The following PRKCH variants were observed in gnomAD, a reference collection of about 807,000 sequenced individuals.
PRKCH encodes the protein protein kinase C eta.
PRKCH carries 28 observed loss-of-function variants against 82.5 expected under a neutral mutation model. The ratio of observed to expected loss-of-function variants is 0.34; its 90% confidence interval spans 0.25 to 0.47. PRKCH has a LOEUF of 0.47. PRKCH is among the 20% of genes least tolerant of loss of function. The probability of loss-of-function intolerance (pLI) is 1.00; values close to 1 mark genes in which losing one functional copy is unlikely to be tolerated. For missense variants in PRKCH, 705 were observed against 881.8 expected (o/e 0.80, Z 2.54); for synonymous variants, 322 against 327.4 (o/e 0.98, Z 0.18).
At chr14:61,203,308 G>C (rs1334087544) in intron 1 of PRKCH, among the ~76,000 whole-genome samples, 2 of 152,094 alleles carry the variant, frequency 1.3e-5, no homozygotes, top group African/African-American at 4.8e-5. Context: ...AGTGAAACCA[G>C]ATATCCCAGG....
chr14:61,413,966 C>T (rs556358422), intron 2 of PRKCH, among the ~76,000 whole-genome samples: 5 of 152,278 alleles, frequency 3.3e-5, no homozygotes, highest in African/African-American at 1.2e-4. Context: ...CATCACTCTT[C>T]CACCTCAGAG....
intron 1 of PRKCH, among the ~76,000 whole-genome samples, chr14:61,246,741 T>A (rs2044887347): frequency 6.6e-6 from 1 of 152,128 alleles, no homozygotes. Context: ...TATTTATGTG[T>A]GTGTGTATTT....
chr14:61,470,032 C>A (rs1885428051), intron 9 of PRKCH, among the ~76,000 whole-genome samples: 1 of 151,678 alleles, frequency 6.6e-6, no homozygotes. Flanking sequence ...TCCATGGCAG[C>A]TGCTCCCTGT....
At chr14:61,435,288 A>C (rs1883623249) in intron 2 of PRKCH, among the ~76,000 whole-genome samples, 1 of 152,190 alleles carries the variant, frequency 6.6e-6, no homozygotes, top group Non-Finnish European at 1.5e-5. Flanking sequence ...CCCTATCTTG[A>C]ACTCTGCTCC....
chr14:61,272,060 CT>C (rs2045158391), intron 1 of PRKCH, among the ~76,000 whole-genome samples: 1 of 151,724 alleles, frequency 6.6e-6, no homozygotes, highest in African/African-American at 2.4e-5. Flanking sequence ...CCCGTCTCTA[CT>C]AAAAAAAATA....
At chr14:61,332,103 A>G (rs1270867678) in intron 1 of PRKCH, among the ~76,000 whole-genome samples, 3 of 152,350 alleles carry the variant, frequency 2.0e-5, no homozygotes, top group Non-Finnish European at 4.4e-5. Flanking sequence ...TTTTGCTAGA[A>G]GCCATTCTCA....
chr14:61,351,492 T>C (rs1054303831), intron 1 of PRKCH, among the ~76,000 whole-genome samples: 2 of 152,194 alleles, frequency 1.3e-5, no homozygotes, highest in Non-Finnish European at 2.9e-5. Context: ...TTTTCTTTAT[T>C]CTGAATTTTA....
At chr14:61,227,454 C>A (rs942504405) in intron 1 of PRKCH, among the ~76,000 whole-genome samples, 1 of 151,996 alleles carries the variant, frequency 6.6e-6, no homozygotes. Context: ...ATTAGCCAGG[C>A]GTGGTGGCGA....
intron 2 of PRKCH, among the ~76,000 whole-genome samples, chr14:61,415,155 T>C (rs1882487949): frequency 6.6e-6 from 1 of 152,222 alleles, no homozygotes; most frequent in Non-Finnish European, 1.5e-5. Flanking sequence ...TTCTGAACAC[T>C]GAAGCTTGAA....
chr14:61,262,286 C>T (rs1340781999), intron 1 of PRKCH, among the ~76,000 whole-genome samples: 1 of 150,326 alleles, frequency 6.7e-6, no homozygotes, highest in Non-Finnish European at 1.5e-5. Context: ...ACAGCCCAGA[C>T]GTCCATTCAT....
chr14:61,392,776 A>G (rs1031485520), intron 2 of PRKCH, among the ~76,000 whole-genome samples: 5 of 150,720 alleles, frequency 3.3e-5, no homozygotes, highest in African/African-American at 1.2e-4. Context: ...TTTGTAGTTC[A>G]TATGTTTTAT....
intron 7 of PRKCH, 87 bp downstream of exon 7, chr14:61,453,440 AG>A: frequency 6.9e-7 from 1 of 1,440,514 alleles, no homozygotes; most frequent in Non-Finnish European, 9.4e-7. Context: ...GCCTCATCAA[AG>A]TTCCTAATCT....
At chr14:61,313,082 C>A (rs979718128) in intron 1 of PRKCH, among the ~76,000 whole-genome samples, 1 of 152,074 alleles carries the variant, frequency 6.6e-6, no homozygotes, top group Non-Finnish European at 1.5e-5. Context: ...AAGTATGATG[C>A]CCAAGGACAA....
In PRKCH at chr14:61,443,244, C is replaced by T; in HGVS notation, c.561C>T (p.His187=). Residue 187 remains histidine, a synonymous_variant, in exon 3 of 14, where the codon CAC becomes CAT. Coordinates refer to ENST00000332981, the MANE Select transcript of PRKCH (RefSeq NM_006255.5). ...TGAGGCAGCCCACCTACTGCTCTCA[C>T]TGCAGGGAGTTTATCTGGTAAGGGG... ...TYLRQPTYCS[H]CREFIWGVFG... is the part of the protein sequence containing the mutation. 6.2e-7 allele frequency: 1 copy of T among 1,614,014 alleles called. No individual in the cohort carries two copies. Among genetic ancestry groups the T allele is most frequent in the South Asian group, 1.1e-5 (1 of 91,072 alleles).
At chr14:61,484,277 A>G (rs1467891827) in intron 9 of PRKCH, among the ~76,000 whole-genome samples, 1 of 139,996 alleles carries the variant, frequency 7.1e-6, no homozygotes, top group Non-Finnish European at 1.5e-5. Context: ...GAATTTGTCA[A>G]TCTGCTTGTG....
chr14:61,293,628 A>G (rs895890480), intron 1 of PRKCH, among the ~76,000 whole-genome samples: 3 of 152,358 alleles, frequency 2.0e-5, no homozygotes, highest in Admixed American at 6.5e-5. Flanking sequence ...ATTTATTAGA[A>G]GCAATCTGTG....
At chr14:61,335,556 T>C (rs1480046613) in intron 1 of PRKCH, among the ~76,000 whole-genome samples, 1 of 152,062 alleles carries the variant, frequency 6.6e-6, no homozygotes, top group Non-Finnish European at 1.5e-5. Context: ...ACCTCAGCCA[T>C]TGTAAAAAAT....
intron 1 of PRKCH, among the ~76,000 whole-genome samples, chr14:61,196,391 G>A (rs570691354): frequency 2.8e-4 from 42 of 152,286 alleles, no homozygotes; most frequent in Admixed American, 1.3e-3. Flanking sequence ...TACTAGTTTA[G>A]GTAATTGCTT....
At position 61,379,079 on chromosome 14, in the gene PRKCH, A is replaced by G. The variant is rs143199113; in HGVS notation, c.364-12146A>G. On this transcript the variant is annotated intron_variant, in intron 1 of 13. Coordinates refer to ENST00000332981, the MANE Select transcript of PRKCH (RefSeq NM_006255.5). ...CCTGCCAGCATGTCGTGAGGCCATT[A>G]TTGATTGGATGCACTTTCCTCTGCA... Among the ~76,000 whole-genome samples the G allele has an allele frequency of 6.2e-4, 95 of 152,246 alleles. 2 individuals are homozygous for G. In the East Asian group the frequency reaches 7.5e-3, roughly 12 times the overall value.
Sources: gnomAD v4.1 joint callset for allele counts (sites outside exome capture counted in the v4.1 genomes callset) on GRCh38, gnomAD v4.1.1 for gene constraint, MANE v1.5 for transcripts, NCBI Gene and HGNC (gene_info 2026-07-23, HGNC 2026-07-21) for gene names.